The following ATOSA variants were observed in gnomAD, a reference collection of about 807,000 sequenced individuals.
ATOSA encodes atos homolog A.
chr15:52,593,732 G>T, the ATOSA span: 1 of 1,527,272 alleles, frequency 6.5e-7, no homozygotes, highest in African/African-American at 1.4e-5. Context: ...GTTCAAGACA[G>T]ATTCCTGGAA....
the ATOSA span, among the ~76,000 whole-genome samples, chr15:52,606,851 A>G: frequency 3.9e-5 from 6 of 152,220 alleles, no homozygotes; most frequent in Non-Finnish European, 2.9e-5. Context: ...GTGATAAAGA[A>G]GACAAACTTA....
chr15:52,666,291 GACATTTCCAAAGGAGTCAAGAATTTT>G, the ATOSA span, among the ~76,000 whole-genome samples: 2 of 152,178 alleles, frequency 1.3e-5, no homozygotes, highest in Non-Finnish European at 2.9e-5. Context: ...ATTAGCAAGA[GACATTTCCAAAGGAGTCAAGAATTTT>G]TCTAGTTGCC....
chr15:52,668,744 A>T, the ATOSA span, among the ~76,000 whole-genome samples: 1 of 152,190 alleles, frequency 6.6e-6, no homozygotes, highest in South Asian at 2.1e-4. Flanking sequence ...TTGCATTAAA[A>T]ATAGAAAAAA....
chr15:52,609,807 C>T, the ATOSA span: 1 of 1,613,222 alleles, frequency 6.2e-7, no homozygotes, highest in South Asian at 1.1e-5. Flanking sequence ...TTTCTTGCCG[C>T]TCCTGAATTA....
the ATOSA span, among the ~76,000 whole-genome samples, chr15:52,672,172 CA>C: frequency 1.6e-3 from 103 of 62,584 alleles, 1 homozygote; most frequent in African/African-American, 4.5e-3. Flanking sequence ...CCCCATTTCT[CA>C]AAAAAAAAAA....
the ATOSA span, among the ~76,000 whole-genome samples, chr15:52,677,826 TTAACC>T: frequency 6.6e-6 from 1 of 152,220 alleles, no homozygotes; most frequent in African/African-American, 2.4e-5. Flanking sequence ...GTAAAAACGC[TTAACC>T]TTCTCTTCCA....
chr15:52,643,942 A>C, the ATOSA span, among the ~76,000 whole-genome samples: 3 of 151,966 alleles, frequency 2.0e-5, no homozygotes, highest in African/African-American at 7.2e-5. Context: ...AAACAAAAAA[A>C]CCCTGTATTT....
chr15:52,654,177 TAA>T, the ATOSA span, among the ~76,000 whole-genome samples: 2 of 152,124 alleles, frequency 1.3e-5, no homozygotes, highest in Non-Finnish European at 1.5e-5. Flanking sequence ...TGATGTCATA[TAA>T]AAAGAGAATT....
At chr15:52,662,831 G>C in the ATOSA span, among the ~76,000 whole-genome samples, 1 of 148,802 alleles carries the variant, frequency 6.7e-6, no homozygotes, top group African/African-American at 2.5e-5. Context: ...ATATTCCCAA[G>C]AATTTTTGTA....
At chr15:52,706,635 G>T in the ATOSA span, among the ~76,000 whole-genome samples, 1 of 152,182 alleles carries the variant, frequency 6.6e-6, no homozygotes, top group African/African-American at 2.4e-5. Flanking sequence ...ATCCGGGAAA[G>T]TTGAGCATCC....
At chr15:52,658,042 C>A in the ATOSA span, 1 of 152,202 alleles carries the variant, frequency 6.6e-6, no homozygotes, top group Admixed American at 6.5e-5. Context: ...CTCTCAATTA[C>A]TACCATCCCC....
the ATOSA span, among the ~76,000 whole-genome samples, chr15:52,655,601 A>G: frequency 6.6e-6 from 1 of 152,122 alleles, no homozygotes; most frequent in Non-Finnish European, 1.5e-5. Flanking sequence ...TTTGTCTGCA[A>G]TGTTGGTATG....
chr15:52,667,635 T>C, the ATOSA span, among the ~76,000 whole-genome samples: 1 of 152,184 alleles, frequency 6.6e-6, no homozygotes, highest in African/African-American at 2.4e-5. Flanking sequence ...ACCATTACCA[T>C]GGCTGATTTC....
chr15:52,594,259 G>A, the ATOSA span, among the ~76,000 whole-genome samples: 1 of 152,038 alleles, frequency 6.6e-6, no homozygotes, highest in Non-Finnish European at 1.5e-5. Flanking sequence ...TATGTGATAT[G>A]TTTTAGTTTA....
At chr15:52,673,717 C>A in the ATOSA span, among the ~76,000 whole-genome samples, 1 of 152,204 alleles carries the variant, frequency 6.6e-6, no homozygotes, top group South Asian at 2.1e-4. Flanking sequence ...TGATTTACAT[C>A]AACTAACAAT....
At chr15:52,626,168 C>A in the ATOSA span, among the ~76,000 whole-genome samples, 2 of 152,074 alleles carry the variant, frequency 1.3e-5, no homozygotes, top group Admixed American at 6.5e-5. Context: ...AATCATTTGC[C>A]CAAGGCCACA....
At chr15:52,679,369 G>C in the ATOSA span, 1 of 153,150 alleles carries the variant, frequency 6.5e-6, no homozygotes, top group Admixed American at 6.5e-5. Flanking sequence ...TTTCTCTGCT[G>C]TTTGCCCTGT....
the ATOSA span, chr15:52,656,462 T>G: frequency 6.6e-6 from 1 of 152,090 alleles, no homozygotes; most frequent in Admixed American, 6.6e-5. Flanking sequence ...AATATACTGT[T>G]TTAAGAGTTA....
chr15:52,708,988 T>C, the ATOSA span, among the ~76,000 whole-genome samples: 1 of 151,962 alleles, frequency 6.6e-6, no homozygotes, highest in Admixed American at 6.6e-5. Context: ...CTGGCTGATG[T>C]AGAGGTGAAT....
Sources: gnomAD v4.1 joint callset for allele counts (sites outside exome capture counted in the v4.1 genomes callset) on GRCh38, gnomAD v4.1.1 for gene constraint, MANE v1.5 for transcripts, NCBI Gene and HGNC (gene_info 2026-07-23, HGNC 2026-07-21) for gene names.